DOCK1: variants seen among roughly 807,000 people sequenced by gnomAD.
DOCK1 encodes dedicator of cytokinesis protein 1.
DOCK1 carries 138 observed loss-of-function variants against 262.7 expected under a neutral mutation model. The ratio of observed to expected loss-of-function variants is 0.53; its 90% CI spans 0.46 to 0.61. The LOEUF (loss-of-function observed/expected upper bound fraction) is 0.61, where lower values mean the gene tolerates loss of function less well. Among genes scored for constraint, DOCK1 ranks in the 20% least tolerant of loss-of-function variants. The pLI, the probability that DOCK1 is intolerant of heterozygous loss-of-function variation, is 0.00. For synonymous variants in DOCK1, 866 were observed against 867.4 expected (o/e 1.00, Z 0.03); for missense variants, 1,908 against 2,370.7 (o/e 0.80, Z 4.05).
intron 1 of DOCK1, among the ~76,000 whole-genome samples, chr10:126,959,567 C>T (rs1269901025): frequency 2.6e-5 from 4 of 152,226 alleles, no homozygotes; most frequent in Admixed American, 6.5e-5. Flanking sequence ...GACCCTCTGA[C>T]GTGCCAGGCT....
chr10:127,376,429 G>A (rs921326266), intron 35 of DOCK1, among the ~76,000 whole-genome samples: 16 of 152,326 alleles, frequency 1.1e-4, no homozygotes, highest in African/African-American at 3.8e-4. Flanking sequence ...GGCTGTGGCT[G>A]TGTTTGTCTT....
At chr10:126,908,897 G>A (rs2031340280) in intron 1 of DOCK1, among the ~76,000 whole-genome samples, 1 of 152,186 alleles carries the variant, frequency 6.6e-6, no homozygotes, top group African/African-American at 2.4e-5. Flanking sequence ...GATGCAGTAT[G>A]TTCTAGAATC....
At chr10:126,945,767 T>A (rs2035351412) in intron 1 of DOCK1, among the ~76,000 whole-genome samples, 1 of 152,226 alleles carries the variant, frequency 6.6e-6, no homozygotes, top group Non-Finnish European at 1.5e-5. Context: ...CAGGTGCACA[T>A]ACTGTATGGC....
At chr10:127,341,877 C>G (rs978103127) in intron 30 of DOCK1, among the ~76,000 whole-genome samples, 1 of 152,156 alleles carries the variant, frequency 6.6e-6, no homozygotes, top group African/African-American at 2.4e-5. Flanking sequence ...TTCTGAGAGT[C>G]ACAGTCAGGG....
intron 29 of DOCK1, among the ~76,000 whole-genome samples, chr10:127,261,645 A>G (rs1192508216): frequency 5.7e-5 from 2 of 35,122 alleles, no homozygotes; most frequent in Non-Finnish European, 5.4e-5. Context: ...GTGTACCTGC[A>G]TGTGTGTGCA....
chr10:127,345,793 G>GGC (rs1420348200), intron 31 of DOCK1, among the ~76,000 whole-genome samples: 1 of 152,176 alleles, frequency 6.6e-6, no homozygotes, highest in Non-Finnish European at 1.5e-5. Flanking sequence ...GCTCAGCAGG[G>GGC]GCGCAGGCTC....
chr10:127,314,200 G>A (rs1483056182), intron 29 of DOCK1, among the ~76,000 whole-genome samples: 1 of 152,212 alleles, frequency 6.6e-6, no homozygotes, highest in Admixed American at 6.5e-5. Context: ...AAACAGGAAA[G>A]GGCAGACCAT....
intron 1 of DOCK1, among the ~76,000 whole-genome samples, chr10:126,928,630 G>A (rs1040122265): frequency 5.3e-5 from 8 of 152,064 alleles, no homozygotes; most frequent in African/African-American, 1.9e-4. Flanking sequence ...TTAAGGTGTG[G>A]TCATACTGGG....
At chr10:126,916,742 T>TCTTC (rs1467771301) in intron 1 of DOCK1, among the ~76,000 whole-genome samples, 1 of 151,786 alleles carries the variant, frequency 6.6e-6, no homozygotes, top group South Asian at 2.1e-4. Context: ...TTCCCTTCTT[T>TCTTC]CTTCCTTCCT....
chr10:127,170,719 G>A (rs907109664), intron 27 of DOCK1, among the ~76,000 whole-genome samples: 2 of 152,086 alleles, frequency 1.3e-5, no homozygotes, highest in Admixed American at 1.3e-4. Flanking sequence ...ATAATTGATT[G>A]GGTTTTTTAA....
At chr10:127,394,206 A>G (rs961507324) in intron 38 of DOCK1, among the ~76,000 whole-genome samples, 4 of 152,164 alleles carry the variant, frequency 2.6e-5, no homozygotes, top group Non-Finnish European at 4.4e-5. Flanking sequence ...ATCAAGAAAC[A>G]GCCTGGCAGG....
chr10:127,018,272 G>T (rs1319103696), intron 12 of DOCK1, among the ~76,000 whole-genome samples: 2 of 152,130 alleles, frequency 1.3e-5, no homozygotes, highest in Non-Finnish European at 2.9e-5. Flanking sequence ...AACTTTGATG[G>T]GTTCTCGAAG....
intron 40 of DOCK1, among the ~76,000 whole-genome samples, chr10:127,405,284 G>A (rs1450031199): frequency 6.6e-6 from 1 of 152,174 alleles, no homozygotes; most frequent in Non-Finnish European, 1.5e-5. Context: ...CCTGCCAGGT[G>A]CCCATTTCCC....
intron 33 of DOCK1, among the ~76,000 whole-genome samples, chr10:127,372,894 C>G (rs1227936014): frequency 6.6e-6 from 1 of 152,216 alleles, no homozygotes; most frequent in African/African-American, 2.4e-5. Context: ...CTCCTTGCTA[C>G]TGGCACAAGT....
chr10:126,974,342 AT>A (rs1565020603), intron 2 of DOCK1, among the ~76,000 whole-genome samples: 1 of 152,184 alleles, frequency 6.6e-6, no homozygotes, highest in Admixed American at 6.5e-5. Flanking sequence ...TTCAAACTTA[AT>A]TTATTCAACT....
intron 6 of DOCK1, among the ~76,000 whole-genome samples, chr10:126,992,737 G>C (rs61875514): frequency 4.5e-5 from 6 of 133,432 alleles, no homozygotes; most frequent in Admixed American, 1.5e-4. Flanking sequence ...CCCCAACACA[G>C]ACACACACAC....
At chr10:127,416,815 C>T (rs2068182734) in intron 44 of DOCK1, among the ~76,000 whole-genome samples, 1 of 152,198 alleles carries the variant, frequency 6.6e-6, no homozygotes, top group Admixed American at 6.5e-5. Flanking sequence ...GATGAAATGT[C>T]GTAGGGCCTG....
intron 36 of DOCK1, among the ~76,000 whole-genome samples, chr10:127,381,056 A>G (rs2134101398): frequency 1.3e-5 from 2 of 152,314 alleles, no homozygotes; most frequent in East Asian, 3.9e-4. Context: ...GGAATGAAAA[A>G]TTTGAAGGAA....
At chr10:127,043,429 A>G (rs1182447659) in intron 21 of DOCK1, among the ~76,000 whole-genome samples, 1 of 152,204 alleles carries the variant, frequency 6.6e-6, no homozygotes, top group Non-Finnish European at 1.5e-5. Context: ...TCTTCACTTT[A>G]TGTTCGATGA....
Sources: allele counts gnomAD v4.1 joint callset (sites outside exome capture counted in the v4.1 genomes callset), GRCh38; gene constraint gnomAD v4.1.1; transcripts MANE v1.5; gene names NCBI Gene and HGNC (gene_info 2026-07-23, HGNC 2026-07-21).